Variants in MECOM observed in about 807,000 individuals in gnomAD.
MECOM encodes histone-lysine N-methyltransferase MECOM.
A neutral mutation model predicts 116.3 loss-of-function variants in MECOM; 13 were observed. That is an observed-to-expected ratio of 0.11 (90% confidence interval 0.07 to 0.18). MECOM has a LOEUF of 0.18. Ranked by LOEUF, MECOM falls within the 10% of genes least tolerant of loss-of-function variation. The pLI is 1.00. For missense variants in MECOM, 1,299 were observed against 1,509.0 expected, an observed-to-expected ratio of 0.86 and a Z score of 2.31; for synonymous variants, 528 against 535.2, an observed-to-expected ratio of 0.99 and a Z score of 0.19.
At chr3:169,122,045 T>A (rs561520279) in intron 6 of MECOM, among the ~76,000 whole-genome samples, 3 of 152,328 alleles carry the variant, frequency 2.0e-5, no homozygotes, top group Admixed American at 2.0e-4. Flanking sequence ...ATGGTCTAAG[T>A]TGAGTACTTC....
At position 169,320,752 on chromosome 3, in the gene MECOM, C is replaced by T. The variant is rs181536645; in HGVS notation, c.375+60435G>A. Among the ~76,000 whole-genome samples, 19 of 152,242 alleles carry T rather than the reference C, an allele frequency of 1.2e-4. 1 individual carries two copies. Among genetic ancestry groups the T allele is most frequent in the African/African-American group, 4.1e-4 (17 of 41,556 alleles). ...TATTTTCTTTCTTTTTTATTGGCCA[C>T]ATCTTTATTTTGACATTTTGAGCAA... is the stretch of plus-strand genomic sequence containing the variant. On this transcript the variant is annotated intron_variant, in intron 2 of 16. Transcript: ENST00000651503.
At chr3:169,167,740 G>A (rs1743808624) in intron 2 of MECOM, among the ~76,000 whole-genome samples, 1 of 151,816 alleles carries the variant, frequency 6.6e-6, no homozygotes, top group African/African-American at 2.4e-5. Context: ...AATTGATTGT[G>A]TATGTTTGAC....
At chr3:169,146,402 A>C (rs1237160268) in intron 2 of MECOM, 190 of 1,393,864 alleles carry the variant, frequency 1.4e-4, no homozygotes, top group Non-Finnish European at 1.7e-4. Flanking sequence ...ACCGACGGAC[A>C]GAGACACACG....
chr3:169,332,644 A>G (rs1192081883), intron 2 of MECOM, among the ~76,000 whole-genome samples: 1 of 152,200 alleles, frequency 6.6e-6, no homozygotes, highest in Admixed American at 6.6e-5. Flanking sequence ...TTACAGATGC[A>G]TCTGTACCAT....
At position 169,131,520 on chromosome 3, in the gene MECOM, T is replaced by C; in HGVS notation, c.522A>G (p.Arg174=). The change falls in exon 4 of 17, where the codon AGA becomes AGG. Residue 174 remains arginine (R), a synonymous_variant. Coordinates refer to ENST00000651503, the MANE Select transcript of MECOM (RefSeq NM_004991.4). ...ACQINDQIFY[R]VVADIAPGEE... ...CTCCCGGCGCAATGTCTGCAACTAC[T>C]CTATAGAATATCTTTAAAGACAAAA... 6.2e-7 allele frequency: 1 copy of C among 1,612,384 alleles called. No homozygotes were observed.
At chr3:169,242,805 G>A (rs1755052599) in intron 2 of MECOM, among the ~76,000 whole-genome samples, 1 of 151,574 alleles carries the variant, frequency 6.6e-6, no homozygotes. Context: ...GGGCCAGGGA[G>A]AGAAACAAAC....
At chr3:169,451,836 GA>G (rs1745655382) in intron 1 of MECOM, among the ~76,000 whole-genome samples, 1 of 151,878 alleles carries the variant, frequency 6.6e-6, no homozygotes, top group Admixed American at 6.6e-5. Flanking sequence ...AATAGATGTG[GA>G]AAAAAGCTAT....
intron 4 of MECOM, among the ~76,000 whole-genome samples, chr3:169,130,188 T>A (rs1734192833): frequency 6.6e-6 from 1 of 152,220 alleles, no homozygotes; most frequent in South Asian, 2.1e-4. Context: ...TTTTGGAGTA[T>A]TAACCTAATC....
chr3:169,423,775 A>C (rs1740169648), intron 1 of MECOM, among the ~76,000 whole-genome samples: 1 of 152,130 alleles, frequency 6.6e-6, no homozygotes, highest in Non-Finnish European at 1.5e-5. Flanking sequence ...AGAAGCTTCC[A>C]AGCAAAGACA....
intron 1 of MECOM, among the ~76,000 whole-genome samples, chr3:169,518,144 A>T (rs1043857469): frequency 6.6e-6 from 1 of 152,120 alleles, no homozygotes; most frequent in African/African-American, 2.4e-5. Flanking sequence ...CTGTGGTTCC[A>T]GCTACTTGGG....
chr3:169,400,745 T>C (rs1735761389), intron 1 of MECOM, among the ~76,000 whole-genome samples: 1 of 152,238 alleles, frequency 6.6e-6, no homozygotes, highest in South Asian at 2.1e-4. Context: ...TATTTGCTAC[T>C]GTGTTCTCCT....
intron 1 of MECOM, among the ~76,000 whole-genome samples, chr3:169,551,895 C>T (rs894592412): frequency 2.0e-5 from 3 of 152,136 alleles, no homozygotes; most frequent in Non-Finnish European, 4.4e-5. Flanking sequence ...AGAGTTCTGA[C>T]ACATGCTGCA....
At chr3:169,403,265 T>C (rs936841309) in intron 1 of MECOM, among the ~76,000 whole-genome samples, 1 of 152,182 alleles carries the variant, frequency 6.6e-6, no homozygotes. Context: ...TAATGTTTTG[T>C]ATTATTTACT....
chr3:169,534,199 C>G (rs1759032027), intron 1 of MECOM, among the ~76,000 whole-genome samples: 1 of 151,692 alleles, frequency 6.6e-6, no homozygotes, highest in Admixed American at 6.6e-5. Context: ...TATACTTTTC[C>G]AAGAGGCCAC....
At chr3:169,109,612 C>T (rs1726643523) in intron 9 of MECOM, among the ~76,000 whole-genome samples, 1 of 152,214 alleles carries the variant, frequency 6.6e-6, no homozygotes, top group South Asian at 2.1e-4. Context: ...GAAGGGGTTT[C>T]ACTCTGTTGG....
chr3:169,147,682 G>A, intron 2 of MECOM: 2 of 985,360 alleles, frequency 2.0e-6, no homozygotes, highest in Non-Finnish European at 2.4e-6. Flanking sequence ...CAGGGAAATA[G>A]CCTCCGTTTC....
intron 1 of MECOM, among the ~76,000 whole-genome samples, chr3:169,647,571 C>T (rs1774344892): frequency 6.6e-6 from 1 of 152,132 alleles, no homozygotes; most frequent in African/African-American, 2.4e-5. Flanking sequence ...AAATATGCAT[C>T]TGGAACAAAT....
chr3:169,564,934 A>G (rs1374819291), intron 1 of MECOM, among the ~76,000 whole-genome samples: 1 of 152,264 alleles, frequency 6.6e-6, no homozygotes, highest in East Asian at 1.9e-4. Flanking sequence ...AGAAATTCAT[A>G]TTAAAGAGAA....
At chr3:169,428,828 T>C (rs1560262409) in intron 1 of MECOM, among the ~76,000 whole-genome samples, 1 of 152,148 alleles carries the variant, frequency 6.6e-6, no homozygotes, top group Non-Finnish European at 1.5e-5. Flanking sequence ...TCAATGCCCT[T>C]GGTCTGGGTT....
Sources: gnomAD v4.1 joint callset for allele counts (sites outside exome capture counted in the v4.1 genomes callset) on GRCh38, gnomAD v4.1.1 for gene constraint, MANE v1.5 for transcripts, NCBI Gene and HGNC (gene_info 2026-07-23, HGNC 2026-07-21) for gene names.